The following SLC12A7 variants were observed in gnomAD, a reference collection of about 807,000 sequenced individuals.
SLC12A7 encodes the protein K-Cl cotransporter 4.
SLC12A7 carries 100 observed loss-of-function variants against 120.6 expected under a neutral mutation model. The ratio of observed to expected loss-of-function variants is 0.83; its 90% CI spans 0.71 to 0.98. The LOEUF (loss-of-function observed/expected upper bound fraction) is 0.98. SLC12A7 is among the 50% of genes least tolerant of loss of function. SLC12A7 has a pLI of 0.00. For missense variants in SLC12A7, 1,373 were observed against 1,548.1 expected (o/e 0.89, Z 1.90); for synonymous variants, 760 against 678.0 (o/e 1.12, Z -1.88).
At chr5:1,078,125 C>CTG (rs1738584334) in intron 11 of SLC12A7, 118 bp from the exon 12 acceptor site, 1 of 1,261,650 alleles carries the variant, frequency 7.9e-7, no homozygotes, top group South Asian at 1.6e-5. Context: ...CCTTGGAAAG[C>CTG]TGAGGCCCGG....
rs552292391 is a variant in SLC12A7 at position 1,067,098 on chromosome 5, C to T, written c.2242-1620G>A. ...TCCAATGTTCTCCCACGGCCCCACT[C>T]CTCCTCAGGCACCCCTCGTCCTTAC... On this transcript the variant is annotated intron_variant, in intron 17 of 23. Transcript: ENST00000264930. Among the ~76,000 whole-genome samples, 7 of 152,344 alleles carry T rather than the reference C, an allele frequency of 4.6e-5. No individual in the cohort carries two copies. The South Asian group carries it at 1.4e-3, about 32-fold the overall frequency.
In SLC12A7 at chr5:1,077,905, G is replaced by A. The variant is rs749473234; in HGVS notation, c.1557C>T (p.Gly519=). ...IGSFFSTCGA[G]LQSLTGAPRL... ...GCGGTGCCCCCGTGAGGCTCTGCAGGCCGGCACCGCAGGTGGAGAAGAAGG... is the reference window on the plus strand; with the variant it reads ...GCGGTGCCCCCGTGAGGCTCTGCAGACCGGCACCGCAGGTGGAGAAGAAGG... Residue 519 remains glycine (G), a synonymous_variant, in exon 12 of 24, where the codon GGC becomes GGT. Coordinates refer to ENST00000264930, the MANE Select transcript of SLC12A7 (RefSeq NM_006598.3). 4 of 1,599,490 alleles carry A rather than the reference G, an allele frequency of 2.5e-6. No homozygotes were observed. The highest frequency in any genetic ancestry group is 3.4e-6 in the Non-Finnish European group (4 of 1,173,884).
Position 1,050,920 on chromosome 5 carries a change from G to A in SLC12A7, c.*1440C>T. ...CTGCCCCGATTTGAACTTTGTTGAT[G>A]GGGCTGATTCCCTTGGGAGACCATG... On this transcript the variant is annotated 3_prime_UTR_variant, in exon 24 of 24. Transcript: ENST00000264930. 1 of 398,654 alleles carries A rather than the reference G, an allele frequency of 2.5e-6. No individual in the cohort carries two copies. Among genetic ancestry groups the A allele is most frequent in the Non-Finnish European group, 4.4e-6 (1 of 226,080 alleles). The allele number at this position is 398,654 out of a possible 1,614,324, so 24.7% of individuals were successfully genotyped here. A position where few individuals can be genotyped will look rare whatever the true frequency, so the allele number is the denominator to read the frequency against.
intron 1 of SLC12A7, among the ~76,000 whole-genome samples, chr5:1,105,937 A>G (rs1364462479): frequency 1.3e-5 from 2 of 151,912 alleles, no homozygotes; most frequent in African/African-American, 4.8e-5. Flanking sequence ...GGGGAGGTCT[A>G]CCCCTCAAGG....
chr5:1,057,544 T>A lies in SLC12A7; in HGVS notation c.2953A>T (p.Lys985Ter), dbSNP rs992162615. The A allele has an allele frequency of 6.2e-7, 1 of 1,613,142 alleles. No individual in the cohort carries two copies. Among genetic ancestry groups the A allele is most frequent in the Non-Finnish European group, 8.5e-7 (1 of 1,179,952 alleles). The change falls in exon 22 of 24, where the codon AAG becomes TAG. Residue 985 changes from lysine (K) to a stop codon, truncating the protein, a stop_gained. Transcript: ENST00000264930. LOFTEE classifies it high-confidence loss of function. ...DKVQMTWTRE[K>*]LIAEKYRSRD... ...CTCCTGTACTTCTCAGCGATCAGCT[T>A]CTCCCTGGTCCAGGTCATCTGCACC...
intron 1 of SLC12A7, among the ~76,000 whole-genome samples, chr5:1,101,032 C>T (rs1304128134): frequency 6.6e-6 from 1 of 152,174 alleles, no homozygotes; most frequent in Non-Finnish European, 1.5e-5. Flanking sequence ...TGTGCGCTGC[C>T]CTCCTGCTCC....
At chr5:1,052,942 C>T (rs549743413) in intron 23 of SLC12A7, among the ~76,000 whole-genome samples, 87 of 152,364 alleles carry the variant, frequency 5.7e-4, no homozygotes, top group South Asian at 2.3e-3. Flanking sequence ...CCCAAAGCTG[C>T]GACCAATTGT....
In SLC12A7 at chr5:1,085,297, G is replaced by A. The variant is rs143554277; in HGVS notation, c.852C>T (p.Val284=). 6.2e-5 allele frequency: 100 copies of A among 1,612,508 alleles called. No individual in the cohort carries two copies. Among genetic ancestry groups the A allele is most frequent in the South Asian group, 5.5e-5 (5 of 91,020 alleles). The part of the protein sequence containing the change: ...NKLALVFLAC[V]VLSILAIYAG... ...CATAGATGGCCAGGATGGACAGCAC[G>A]ACGCAGGCCAGGAAGACCAGCGCCA... The change falls in exon 7 of 24, where the codon GTC becomes GTT. Residue 284 remains valine, a synonymous_variant. Coordinates refer to ENST00000264930, the MANE Select transcript of SLC12A7 (RefSeq NM_006598.3).
At chr5:1,153,373 C>G in the SLC12A7 span, among the ~76,000 whole-genome samples, 3 of 152,250 alleles carry the variant, frequency 2.0e-5, no homozygotes, top group African/African-American at 4.8e-5. Flanking sequence ...CAAACATTCA[C>G]AGCCTGAAGC....
intron 18 of SLC12A7, among the ~76,000 whole-genome samples, chr5:1,064,604 C>T (rs932333943): frequency 6.6e-6 from 1 of 152,230 alleles, no homozygotes; most frequent in African/African-American, 2.4e-5. Context: ...TGACAGCGCA[C>T]AGGCCTGGGG....
chr5:1,141,387 G>A, the SLC12A7 span, among the ~76,000 whole-genome samples: 1 of 152,168 alleles, frequency 6.6e-6, no homozygotes, highest in Non-Finnish European at 1.5e-5. Context: ...TCCTAATGGA[G>A]AGATGTCACT....
chr5:1,151,713 CA>C, the SLC12A7 span, among the ~76,000 whole-genome samples: 1 of 144,706 alleles, frequency 6.9e-6, no homozygotes, highest in Non-Finnish European at 1.5e-5. The surrounding 1 kb of genome is among the most constrained non-coding windows in gnomAD (Gnocchi z 6.2). Flanking sequence ...AGGCGGGGGG[CA>C]GGGGGTGGGT....
At chr5:1,087,799 T>C (rs1011719281) in intron 5 of SLC12A7, among the ~76,000 whole-genome samples, 8 of 152,324 alleles carry the variant, frequency 5.3e-5, no homozygotes, top group South Asian at 4.1e-4. Flanking sequence ...AATTCGTTTA[T>C]TACTAATTAA....
intron 1 of SLC12A7, among the ~76,000 whole-genome samples, chr5:1,106,315 C>T (rs1279857042): frequency 3.9e-5 from 6 of 152,138 alleles, no homozygotes; most frequent in African/African-American, 9.7e-5. Flanking sequence ...TAGCCAGGCG[C>T]GGTGGTGCGT....
chr5:1,119,790 G>T, the SLC12A7 span, among the ~76,000 whole-genome samples: 1 of 152,268 alleles, frequency 6.6e-6, no homozygotes, highest in Non-Finnish European at 1.5e-5. Flanking sequence ...ATGGACAAAT[G>T]GGGTCCACCG....
intron 22 of SLC12A7, among the ~76,000 whole-genome samples, chr5:1,053,796 A>G (rs1049536403): frequency 1.2e-4 from 18 of 152,274 alleles, no homozygotes; most frequent in African/African-American, 3.6e-4. Context: ...TCCTAACTAC[A>G]TCTACATCTG....
At chr5:1,094,369 G>T in intron 1 of SLC12A7, 121 bp from the exon 2 acceptor site, 1 of 727,236 alleles carries the variant, frequency 1.4e-6, no homozygotes, top group South Asian at 1.5e-5. Flanking sequence ...CTAAACCATG[G>T]CTAAGGGTGA....
At chr5:1,115,182 C>T (rs1348754293), upstream of SLC12A7, among the ~76,000 whole-genome samples, 3 of 152,226 alleles carry the variant, frequency 2.0e-5, no homozygotes, top group African/African-American at 7.2e-5. Context: ...CTGCGATGGC[C>T]TCTTGGCCGT....
At chr5:1,117,520 C>T in the SLC12A7 span, among the ~76,000 whole-genome samples, 2 of 152,204 alleles carry the variant, frequency 1.3e-5, no homozygotes, top group African/African-American at 4.8e-5. The surrounding 1 kb of genome is among the most constrained non-coding windows in gnomAD (Gnocchi z 4.5). Flanking sequence ...AGGAGTCATG[C>T]AGCTGGAGGC....
Sources: gnomAD v4.1 joint callset for allele counts (sites outside exome capture counted in the v4.1 genomes callset) on GRCh38, gnomAD v4.1.1 for gene constraint, Gnocchi (gnomAD v3.1) non-coding constraint, MANE v1.5 for transcripts, NCBI Gene and HGNC (gene_info 2026-07-23, HGNC 2026-07-21) for gene names.